UNC5C: variants seen among roughly 807,000 people sequenced by gnomAD.
UNC5C encodes the protein unc-5 netrin receptor C.
A neutral mutation model predicts 99.8 loss-of-function variants in UNC5C; 47 were observed. The observed-to-expected ratio is 0.47, with a 90% CI of 0.37 to 0.60. The LOEUF is 0.60. Ranked by LOEUF, UNC5C falls within the 20% of genes least tolerant of loss-of-function variation. The pLI is 0.00. For synonymous variants in UNC5C, 487 were observed against 452.2 expected, an observed-to-expected ratio of 1.08 and a Z score of -0.98; for missense variants, 1,062 against 1,165.9, an observed-to-expected ratio of 0.91 and a Z score of 1.30.
intron 1 of UNC5C, among the ~76,000 whole-genome samples, chr4:95,492,489 T>C (rs1048045441): frequency 5.3e-5 from 8 of 151,464 alleles, no homozygotes; most frequent in African/African-American, 1.9e-4. Flanking sequence ...TTTGTTTTTA[T>C]GATAACCACG....
At chr4:95,509,326 A>G (rs1202581682) in intron 1 of UNC5C, among the ~76,000 whole-genome samples, 1 of 151,764 alleles carries the variant, frequency 6.6e-6, no homozygotes, top group Non-Finnish European at 1.5e-5. Flanking sequence ...TAAAGTTTTG[A>G]TTCCTCACAG....
intron 1 of UNC5C, among the ~76,000 whole-genome samples, chr4:95,442,366 C>T (rs867748530): frequency 5.6e-5 from 8 of 142,858 alleles, no homozygotes; most frequent in African/African-American, 1.6e-4. Flanking sequence ...CCATGCCCAG[C>T]TAATTTTTTT....
At chr4:95,436,591 G>C (rs17023863) in intron 1 of UNC5C, among the ~76,000 whole-genome samples, 2,223 of 151,976 alleles carry the variant, frequency 0.015, 56 homozygotes, top group African/African-American at 0.05. Flanking sequence ...CTCAACAAAA[G>C]GCCCCAGGTT....
At chr4:95,261,164 A>G (rs1740210766) in intron 4 of UNC5C, among the ~76,000 whole-genome samples, 1 of 152,110 alleles carries the variant, frequency 6.6e-6, no homozygotes, top group Non-Finnish European at 1.5e-5. Context: ...AAAAGCTGGG[A>G]CACCAAGACA....
intron 1 of UNC5C, among the ~76,000 whole-genome samples, chr4:95,520,506 A>G (rs13435502): frequency 0.058 from 8,763 of 152,220 alleles, 590 homozygotes; most frequent in African/African-American, 0.17. Context: ...CTCTTTGGAT[A>G]AATGACTGAA....
At chr4:95,226,832 T>C (rs2149371182) in intron 7 of UNC5C, among the ~76,000 whole-genome samples, 1 of 152,294 alleles carries the variant, frequency 6.6e-6, no homozygotes, top group South Asian at 2.1e-4. Flanking sequence ...TGTTTTTTTT[T>C]GGTTGTCATA....
In UNC5C at chr4:95,505,484, A is replaced by G. The variant is rs182886729; in HGVS notation, c.124+43250T>C. On this transcript the variant is annotated intron_variant, in intron 1 of 15. Transcript: ENST00000453304. ...ATTCAAACCCTGCTGTATTAGCCAT[A>G]TATCTTAGGAATTTACTTCCTAATT... Among the ~76,000 whole-genome samples, 625 of 152,252 alleles carry G rather than the reference A, an allele frequency of 4.1e-3. 3 individuals are homozygous for G. Among genetic ancestry groups the G allele is most frequent in the South Asian group, 7.0e-3 (34 of 4,830 alleles).
At chr4:95,403,880 G>T (rs1315804356) in intron 1 of UNC5C, among the ~76,000 whole-genome samples, 2 of 152,218 alleles carry the variant, frequency 1.3e-5, no homozygotes, top group African/African-American at 2.4e-5. Flanking sequence ...GTGGCTCACA[G>T]ATGGATCGTT....
At chr4:95,395,141 A>G (rs1158671934) in intron 1 of UNC5C, among the ~76,000 whole-genome samples, 1 of 152,174 alleles carries the variant, frequency 6.6e-6, no homozygotes, top group African/African-American at 2.4e-5. Flanking sequence ...ATACCAGTGT[A>G]TAAAGGTGGG....
intron 1 of UNC5C, among the ~76,000 whole-genome samples, chr4:95,396,083 G>A (rs1356692556): frequency 4.6e-5 from 7 of 152,138 alleles, no homozygotes; most frequent in Non-Finnish European, 7.4e-5. Flanking sequence ...CAATAACGAG[G>A]GCAAAGGTTT....
At chr4:95,474,585 G>A (rs1041350925) in intron 1 of UNC5C, among the ~76,000 whole-genome samples, 5 of 152,010 alleles carry the variant, frequency 3.3e-5, no homozygotes, top group African/African-American at 1.2e-4. Context: ...ACTGTGCCTC[G>A]CCTATGGTAC....
intron 1 of UNC5C, among the ~76,000 whole-genome samples, chr4:95,498,627 A>G (rs1294570129): frequency 6.6e-6 from 1 of 151,976 alleles, no homozygotes; most frequent in Non-Finnish European, 1.5e-5. Flanking sequence ...ACATATTTAT[A>G]AAATTTTAAA....
intron 1 of UNC5C, among the ~76,000 whole-genome samples, chr4:95,410,605 G>A (rs945280270): frequency 6.6e-6 from 1 of 152,190 alleles, no homozygotes; most frequent in African/African-American, 2.4e-5. Context: ...GAATGAAAGA[G>A]CCACTTTGTT....
At chr4:95,401,648 C>A (rs76426858) in intron 1 of UNC5C, among the ~76,000 whole-genome samples, 67 of 152,304 alleles carry the variant, frequency 4.4e-4, no homozygotes, top group Middle Eastern at 3.4e-3. Flanking sequence ...AAGAACTCAA[C>A]ATATATGTTC....
At chr4:95,418,502 C>T (rs1285882337) in intron 1 of UNC5C, among the ~76,000 whole-genome samples, 1 of 152,024 alleles carries the variant, frequency 6.6e-6, no homozygotes, top group East Asian at 1.9e-4. Context: ...TACAAGTAAT[C>T]ATGCTGTGAT....
At chr4:95,255,681 A>G (rs1739950361) in intron 4 of UNC5C, among the ~76,000 whole-genome samples, 1 of 151,892 alleles carries the variant, frequency 6.6e-6, no homozygotes, top group African/African-American at 2.4e-5. Flanking sequence ...AGTCCCAGCA[A>G]TTCTCTTCTT....
At chr4:95,481,058 G>A (rs1181346899) in intron 1 of UNC5C, among the ~76,000 whole-genome samples, 1 of 150,740 alleles carries the variant, frequency 6.6e-6, no homozygotes, top group African/African-American at 2.5e-5. Context: ...AGGAAAAGAG[G>A]AAGTCAAATT....
intron 1 of UNC5C, among the ~76,000 whole-genome samples, chr4:95,396,819 C>A (rs1745524124): frequency 6.6e-6 from 1 of 152,076 alleles, no homozygotes; most frequent in African/African-American, 2.4e-5. Flanking sequence ...TGATTGTGAC[C>A]CTATGTTAAC....
intron 4 of UNC5C, among the ~76,000 whole-genome samples, chr4:95,263,402 TGAGAGGATAGTGGTTCTGTTA>T (rs748531258): frequency 3.4e-4 from 52 of 152,152 alleles, no homozygotes; most frequent in Non-Finnish European, 6.8e-4. Context: ...CACAAAGGCA[TGAGAGGATAGTGGTTCTGTTA>T]CCAAGCAAGA....
Sources: gnomAD v4.1 joint callset for allele counts (sites outside exome capture counted in the v4.1 genomes callset) on GRCh38, gnomAD v4.1.1 for gene constraint, MANE v1.5 for transcripts, NCBI Gene and HGNC (gene_info 2026-07-23, HGNC 2026-07-21) for gene names.